The following SHANK2 variants were observed in gnomAD, a reference collection of about 807,000 sequenced individuals.
The protein encoded by SHANK2 is SH3 and multiple ankyrin repeat domains 2, also known as SH3 and multiple ankyrin repeat domains protein 2.
In SHANK2, 43 loss-of-function variants were observed where a neutral mutation model predicts 133.7. The ratio of observed to expected loss-of-function variants is 0.32; its 90% CI spans 0.25 to 0.41. The LOEUF (loss-of-function observed/expected upper bound fraction) is 0.41. Among genes scored for constraint, SHANK2 ranks in the 10% least tolerant of loss-of-function variants. The probability of loss-of-function intolerance (pLI) is 1.00; values close to 1 mark genes in which losing one functional copy is unlikely to be tolerated. For missense variants in SHANK2, 1,994 were observed against 2,235.8 expected (o/e 0.89, Z 2.18); for synonymous variants, 1,017 against 952.8 (o/e 1.07, Z -1.24).
chr11:71,142,699 A>G (rs1239477425), intron 3 of SHANK2, among the ~76,000 whole-genome samples: 2 of 150,228 alleles, frequency 1.3e-5, no homozygotes, highest in African/African-American at 4.9e-5. Flanking sequence ...TAAAATGAAA[A>G]TGTCCTTAAA....
chr11:71,126,810 T>C (rs1433934972), intron 3 of SHANK2, among the ~76,000 whole-genome samples: 1 of 145,642 alleles, frequency 6.9e-6, no homozygotes, highest in African/African-American at 2.6e-5. Context: ...CACCACAACC[T>C]CCGCCTCCCA....
At chr11:70,912,079 C>CAAAAAAAA (rs536602235) in intron 10 of SHANK2, among the ~76,000 whole-genome samples, 2 of 81,228 alleles carry the variant, frequency 2.5e-5, no homozygotes, top group African/African-American at 9.3e-5. Flanking sequence ...GAGACTCTGT[C>CAAAAAAAA]AAAAAAAAAA....
intron 10 of SHANK2, among the ~76,000 whole-genome samples, chr11:70,917,612 C>A (rs1231763827): frequency 1.3e-5 from 2 of 152,162 alleles, no homozygotes; most frequent in Non-Finnish European, 2.9e-5. Flanking sequence ...CCTAAATGCC[C>A]ATCAGTGACA....
At chr11:70,897,238 G>A (rs1297513840) in intron 10 of SHANK2, among the ~76,000 whole-genome samples, 7 of 152,168 alleles carry the variant, frequency 4.6e-5, no homozygotes, top group Admixed American at 3.3e-4. Flanking sequence ...GGAAGGCCAG[G>A]ACCAGAGACC....
rs144244056 is a variant in SHANK2, at chr11:70,708,823, G to A, written c.1778-10060C>T. 5.9e-5 allele frequency among the ~76,000 whole-genome samples: 9 copies of A among 152,328 alleles called. No homozygotes were observed. In the East Asian group the frequency reaches 1.7e-3, roughly 29 times the overall value. ...GACAATAAGCACAGATGCCACGGGA[G>A]AGTGGGAAGATGATGCCATGCGTCC... On this transcript the variant is annotated intron_variant, in intron 14 of 25. Transcript: ENST00000601538.
intron 10 of SHANK2, among the ~76,000 whole-genome samples, chr11:70,953,811 A>T (rs1950878635): frequency 6.6e-6 from 1 of 152,142 alleles, no homozygotes. Flanking sequence ...AATCAAGTTG[A>T]TGTGTAACAT....
chr11:71,252,030 G>A lies in SHANK2; in HGVS notation c.-113+395C>T, dbSNP rs1481668857. Among the ~76,000 whole-genome samples the A allele has an allele frequency of 3.3e-5, 5 of 152,238 alleles. No homozygotes were observed. The highest frequency in any genetic ancestry group is 1.2e-4 in the African/African-American group (5 of 41,568). ...CGGGGCAAGGAGACCCCGGGAGAGCGGGGGAGGTCGCGCCACACGCGCTGT... is the reference window on the plus strand; with the variant it reads ...CGGGGCAAGGAGACCCCGGGAGAGCAGGGGAGGTCGCGCCACACGCGCTGT... On this transcript the variant is annotated intron_variant, in intron 1 of 25. Transcript: ENST00000601538. The surrounding 1 kb of genome is among the most constrained non-coding windows in gnomAD (Gnocchi z 6.3).
intron 17 of SHANK2, among the ~76,000 whole-genome samples, chr11:70,636,555 G>C (rs2061092132): frequency 8.8e-6 from 1 of 113,990 alleles, no homozygotes; most frequent in Non-Finnish European, 1.9e-5. Context: ...ATGCGTGTTA[G>C]TACATGTGCA....
In SHANK2 at chr11:70,527,883, C is replaced by T. The variant is rs1411452703; in HGVS notation, c.2062-24952G>A. 4.6e-5 allele frequency among the ~76,000 whole-genome samples: 7 copies of T among 152,366 alleles called. No individual in the cohort carries two copies. The East Asian group carries it at 7.7e-4, about 17-fold the overall frequency. On this transcript the variant is annotated intron_variant, in intron 17 of 25. Coordinates refer to ENST00000601538, the MANE Select transcript of SHANK2 (RefSeq NM_012309.5). ...GGAGGCAGCCAGGCAGCCAGACTCCCGCCCATGCTCCTTCACCGGGCGACC... is the reference window on the plus strand; with the variant it reads ...GGAGGCAGCCAGGCAGCCAGACTCCTGCCCATGCTCCTTCACCGGGCGACC...
chr11:71,240,357 T>G (rs1299063302), intron 1 of SHANK2, among the ~76,000 whole-genome samples: 1 of 152,210 alleles, frequency 6.6e-6, no homozygotes, highest in Admixed American at 6.5e-5. Context: ...TGACAAGCCG[T>G]GACAAGCTGT....
intron 9 of SHANK2, among the ~76,000 whole-genome samples, chr11:71,059,761 G>C (rs1950965065): frequency 2.6e-5 from 4 of 152,204 alleles, no homozygotes; most frequent in Admixed American, 2.6e-4. Context: ...TCTGAGTTGG[G>C]TAGTAAAGGC....
At chr11:71,170,943 G>A (rs983232198) in intron 2 of SHANK2, among the ~76,000 whole-genome samples, 4 of 152,212 alleles carry the variant, frequency 2.6e-5, no homozygotes, top group African/African-American at 7.2e-5. Context: ...CCACGGCTGC[G>A]GCTATGACAG....
At chr11:71,165,236 G>T (rs1229344568) in intron 2 of SHANK2, among the ~76,000 whole-genome samples, 1 of 151,914 alleles carries the variant, frequency 6.6e-6, no homozygotes, top group Non-Finnish European at 1.5e-5. Context: ...GTCTCACCAT[G>T]TTGGTCAGGC....
intron 17 of SHANK2, among the ~76,000 whole-genome samples, chr11:70,588,123 T>C (rs1355024469): frequency 6.6e-6 from 1 of 152,192 alleles, no homozygotes; most frequent in Non-Finnish European, 1.5e-5. Flanking sequence ...AACTGGCTGG[T>C]CCATCGTCTC....
At chr11:70,845,596 C>T (rs1234800664) in intron 11 of SHANK2, among the ~76,000 whole-genome samples, 1 of 152,100 alleles carries the variant, frequency 6.6e-6, no homozygotes, top group African/African-American at 2.4e-5. Context: ...CCACAAAGAC[C>T]GTTCCCAGAG....
At chr11:70,827,960 C>T (rs1180182265) in intron 11 of SHANK2, among the ~76,000 whole-genome samples, 5 of 152,082 alleles carry the variant, frequency 3.3e-5, no homozygotes, top group Admixed American at 6.5e-5. Context: ...ACTGAGTGTA[C>T]GCCCTATATC....
intron 14 of SHANK2, among the ~76,000 whole-genome samples, chr11:70,717,178 T>C (rs1945952380): frequency 6.6e-6 from 1 of 152,166 alleles, no homozygotes; most frequent in Admixed American, 6.5e-5. Context: ...AGGCCAGCCT[T>C]GCAGGGACTT....
chr11:70,745,567 T>TA (rs1461143144), intron 14 of SHANK2, among the ~76,000 whole-genome samples: 1 of 152,228 alleles, frequency 6.6e-6, no homozygotes, highest in Non-Finnish European at 1.5e-5. Context: ...TGGAGTGTCC[T>TA]GCCCTGCGCT....
At chr11:70,801,537 G>A (rs917838138) in intron 13 of SHANK2, among the ~76,000 whole-genome samples, 5 of 152,322 alleles carry the variant, frequency 3.3e-5, no homozygotes, top group South Asian at 2.1e-4. Flanking sequence ...TTCCTCATAT[G>A]GTGAGGAAGG....
Sources: gnomAD v4.1 joint callset for allele counts (sites outside exome capture counted in the v4.1 genomes callset) on GRCh38, gnomAD v4.1.1 for gene constraint, Gnocchi (gnomAD v3.1) non-coding constraint, MANE v1.5 for transcripts, NCBI Gene and HGNC (gene_info 2026-07-23, HGNC 2026-07-21) for gene names.